The following NCOA5 variants were observed in gnomAD, a reference collection of about 807,000 sequenced individuals.
NCOA5 encodes nuclear receptor coactivator 5.
In NCOA5, 12 loss-of-function variants were observed where a neutral mutation model predicts 59.0. The observed-to-expected ratio is 0.20, with a 90% CI of 0.13 to 0.33. NCOA5 has a LOEUF of 0.33. Ranked by LOEUF, NCOA5 falls within the 10% of genes least tolerant of loss-of-function variation. NCOA5 has a pLI of 1.00. For missense variants in NCOA5, 655 were observed against 766.6 expected, an observed-to-expected ratio of 0.85 and a Z score of 1.72; for synonymous variants, 270 against 275.5, an observed-to-expected ratio of 0.98 and a Z score of 0.20.
In NCOA5 at chr20:46,062,804, T is replaced by C. The variant is rs932411100; in HGVS notation, c.1236A>G (p.Gln412=). The change falls in exon 8 of 8, where the codon CAA becomes CAG. Residue 412 remains glutamine (Q), a synonymous_variant. Transcript: ENST00000290231. ...QPSSQPLQSG[Q]VLPSATPTPS... ...GAGTGGGTGTAGCAGAGGGGAGCAC[T>C]TGGCCGCTCTGGAGCGGTTGGGAGC... is the stretch of plus-strand genomic sequence containing the variant. 10 of 1,572,236 alleles carry C rather than the reference T, an allele frequency of 6.4e-6. No individual in the cohort carries two copies. The highest frequency in any genetic ancestry group is 5.4e-5 in the African/African-American group (4 of 73,846).
chr20:46,082,191 G>C (rs1301890197), intron 1 of NCOA5, among the ~76,000 whole-genome samples: 1 of 152,096 alleles, frequency 6.6e-6, no homozygotes, highest in East Asian at 1.9e-4. Flanking sequence ...GGAAATGACA[G>C]AACTGTTTTA....
At chr20:46,088,003 A>AT (rs540860475) in intron 1 of NCOA5, among the ~76,000 whole-genome samples, 455 of 123,594 alleles carry the variant, frequency 3.7e-3, no homozygotes, top group Middle Eastern at 8.9e-3. Context: ...ATATATATAT[A>AT]TTTTTTTACA....
chr20:46,073,211 A>G (rs1218864180), intron 2 of NCOA5, among the ~76,000 whole-genome samples: 1 of 152,224 alleles, frequency 6.6e-6, no homozygotes, highest in Non-Finnish European at 1.5e-5. Flanking sequence ...TTAGGTATTC[A>G]TCATGATGTC....
intron 2 of NCOA5, among the ~76,000 whole-genome samples, chr20:46,072,059 T>C (rs752458313): frequency 1.3e-5 from 2 of 152,206 alleles, no homozygotes; most frequent in African/African-American, 2.4e-5. Flanking sequence ...CGAAACTGGA[T>C]GTCATCTTTC....
chr20:46,079,641 C>T (rs546275355), intron 1 of NCOA5, among the ~76,000 whole-genome samples, 188 bp from the exon 2 acceptor site: 5 of 152,310 alleles, frequency 3.3e-5, no homozygotes, highest in South Asian at 2.1e-4. Context: ...TACATTGTCA[C>T]GGCTTGGTAA....
chr20:46,087,681 C>G (rs960094293), intron 1 of NCOA5, among the ~76,000 whole-genome samples: 5 of 152,166 alleles, frequency 3.3e-5, no homozygotes, highest in African/African-American at 4.8e-5. Flanking sequence ...ATTGCTTGAA[C>G]CCGGGGGCCA....
Position 46,084,552 on chromosome 20 carries a change from G to A in NCOA5, c.-29-5099C>T, listed in dbSNP as rs151230696. On this transcript the variant is annotated intron_variant, in intron 1 of 7. Coordinates refer to ENST00000290231, the MANE Select transcript of NCOA5 (RefSeq NM_020967.3). ...TATTAACATTCACCACAACTCTTCC[G>A]ACAAAAATTATCAACATTTAATTTC... Among the ~76,000 whole-genome samples, 14 of 152,264 alleles carry A rather than the reference G, an allele frequency of 9.2e-5. No individual in the cohort carries two copies. The East Asian group carries it at 1.9e-3, about 21-fold the overall frequency.
chr20:46,087,778 G>GT (rs1468382084), intron 1 of NCOA5, among the ~76,000 whole-genome samples: 1 of 152,104 alleles, frequency 6.6e-6, no homozygotes, highest in East Asian at 1.9e-4. Flanking sequence ...CAAACAAGTT[G>GT]TTTTTTCTTA....
rs974359348 is a variant in NCOA5, at chr20:46,061,970, T to C, written c.*330A>G. 6 of 204,588 alleles carry C rather than the reference T, an allele frequency of 2.9e-5. No individual in the cohort carries two copies. Among genetic ancestry groups the C allele is most frequent in the African/African-American group, 6.9e-5 (3 of 43,216 alleles). 12.7% of individuals were successfully genotyped at this position (204,588 alleles called of 1,614,324 possible). A position where few individuals can be genotyped will look rare whatever the true frequency, so the allele number is the denominator to read the frequency against. On this transcript the variant is annotated 3_prime_UTR_variant, in exon 8 of 8. Transcript: ENST00000290231. The stretch of plus-strand genomic sequence containing the variant: ...TGACATGACAAATGCCATTCCAAAC[T>C]TGGCTAGCTGGGCCTGGCTCCAAAT...
chr20:46,064,105 A>G (rs2084796588), intron 6 of NCOA5, among the ~76,000 whole-genome samples: 3 of 152,270 alleles, frequency 2.0e-5, no homozygotes, highest in African/African-American at 4.8e-5. Flanking sequence ...CTGGCCTACC[A>G]TTTTTTAATT....
At chr20:46,073,591 C>T (rs975726811) in intron 2 of NCOA5, among the ~76,000 whole-genome samples, 1 of 152,140 alleles carries the variant, frequency 6.6e-6, no homozygotes, top group African/African-American at 2.4e-5. Context: ...CCTTGGGGAG[C>T]AGTTAGAAGT....
intron 2 of NCOA5, 77 bp from the exon 3 acceptor site, chr20:46,070,613 C>A: frequency 7.4e-7 from 1 of 1,352,836 alleles, no homozygotes; most frequent in Non-Finnish European, 1.0e-6. Flanking sequence ...TATGAGAAAA[C>A]CCCCACCCTC....
intron 1 of NCOA5, among the ~76,000 whole-genome samples, chr20:46,085,044 A>T (rs981926969): frequency 1.3e-5 from 2 of 152,286 alleles, no homozygotes; most frequent in East Asian, 1.9e-4. Context: ...GTTCATTTTT[A>T]AAAAAGAAAG....
At chr20:46,079,535 C>A in intron 1 of NCOA5, 82 bp from the exon 2 acceptor site, 1 of 1,151,162 alleles carries the variant, frequency 8.7e-7, no homozygotes. Context: ...AAAGCAACAA[C>A]AACAAAAACT....
intron 2 of NCOA5, among the ~76,000 whole-genome samples, chr20:46,073,895 C>T (rs1266160306): frequency 6.6e-6 from 1 of 152,180 alleles, no homozygotes; most frequent in Non-Finnish European, 1.5e-5. Flanking sequence ...TCTGAGAGGG[C>T]AAGCCCCACC....
intron 2 of NCOA5, among the ~76,000 whole-genome samples, chr20:46,072,953 A>G (rs1480525678): frequency 2.6e-5 from 4 of 152,358 alleles, no homozygotes; most frequent in South Asian, 4.1e-4. Flanking sequence ...CAGATGCTCT[A>G]TATGTATGTT....
intron 2 of NCOA5, among the ~76,000 whole-genome samples, chr20:46,074,110 G>A (rs2084911913): frequency 6.6e-6 from 1 of 152,136 alleles, no homozygotes; most frequent in African/African-American, 2.4e-5. Flanking sequence ...TAAACACTAT[G>A]GTAGACTGCT....
intron 6 of NCOA5, among the ~76,000 whole-genome samples, chr20:46,064,067 G>GCT (rs1384696946): frequency 3.2e-4 from 49 of 152,250 alleles, no homozygotes. Flanking sequence ...GGAAAGCAGG[G>GCT]CTCTCCACTG....
chr20:46,082,147 G>A (rs1258036480), intron 1 of NCOA5, among the ~76,000 whole-genome samples: 3 of 152,012 alleles, frequency 2.0e-5, no homozygotes, highest in African/African-American at 7.2e-5. Context: ...TTACATAAAA[G>A]GAAGAAACCA....
Sources: allele counts gnomAD v4.1 joint callset (sites outside exome capture counted in the v4.1 genomes callset), GRCh38; gene constraint gnomAD v4.1.1; transcripts MANE v1.5; gene names NCBI Gene and HGNC (gene_info 2026-07-23, HGNC 2026-07-21).